BICRAL: variants seen among roughly 807,000 people sequenced by gnomAD.
BICRAL encodes the protein BICRA like chromatin remodeling complex associated protein.
A neutral mutation model predicts 91.8 loss-of-function variants in BICRAL; 8 were observed. The ratio of observed to expected loss-of-function variants is 0.09; its 90% CI spans 0.05 to 0.16. BICRAL has a LOEUF of 0.16. Among genes scored for constraint, BICRAL ranks in the 10% least tolerant of loss-of-function variants. The pLI, the probability that BICRAL is intolerant of heterozygous loss-of-function variation, is 1.00. For missense variants in BICRAL, 1,038 were observed against 1,310.9 expected (o/e 0.79, Z 3.21); for synonymous variants, 445 against 491.1 (o/e 0.91, Z 1.24).
intron 6 of BICRAL, 78 bp downstream of exon 6, chr6:42,830,250 T>C (rs986513557): frequency 6.9e-7 from 1 of 1,443,164 alleles, no homozygotes; most frequent in Non-Finnish European, 9.4e-7. Flanking sequence ...GAATATAATT[T>C]TCATCCTAGG....
Position 42,855,885 on chromosome 6 carries a change from G to A in BICRAL, c.2076G>A (p.Arg692=), listed in dbSNP as rs1765335097. ...QVESHSGGQK[R]PAAKQLTKGA... ...AGAGTCATTCGGGAGGACAAAAAAG[G>A]CCTGCTGCGAAACAGCTAACGAAAG... Residue 692 remains arginine (R), a synonymous_variant, in exon 9 of 13, where the codon AGG becomes AGA. Coordinates refer to ENST00000314073, the MANE Select transcript of BICRAL (RefSeq NM_001393499.1). The A allele has an allele frequency of 6.2e-7, 1 of 1,613,742 alleles. No individual in the cohort carries two copies. Among genetic ancestry groups the A allele is most frequent in the Non-Finnish European group, 8.5e-7 (1 of 1,179,764 alleles).
intron 1 of BICRAL, among the ~76,000 whole-genome samples, chr6:42,783,376 G>A (rs1682172584): frequency 6.6e-6 from 1 of 152,168 alleles, no homozygotes; most frequent in Admixed American, 6.5e-5. Flanking sequence ...GAGTGCGCGC[G>A]GGCGTTATGC....
chr6:42,808,256 C>T (rs573728911), intron 1 of BICRAL, among the ~76,000 whole-genome samples: 107 of 151,892 alleles, frequency 7.0e-4, no homozygotes, highest in Non-Finnish European at 1.0e-3. Flanking sequence ...CTCAGCCTCC[C>T]GAGTAGCTGG....
Position 42,852,213 on chromosome 6 carries a change from A to G in BICRAL, c.1945+16A>G. 2.7e-6 allele frequency: 4 copies of G among 1,479,276 alleles called. No individual in the cohort carries two copies. Among genetic ancestry groups the G allele is most frequent in the South Asian group, 1.1e-5 (1 of 88,366 alleles). The allele number at this position is 1,479,276 out of a possible 1,614,324, so 91.6% of individuals were successfully genotyped here. Reference sequence around the variant, plus strand: ...ACACTGCCAGGTCAGGAGCTTCCTCAGTTTGTCCCTGTCCTCCCAACACCA... The same window carrying G: ...ACACTGCCAGGTCAGGAGCTTCCTCGGTTTGTCCCTGTCCTCCCAACACCA... On this transcript the variant is annotated intron_variant, in intron 7 of 12. Coordinates refer to ENST00000314073, the MANE Select transcript of BICRAL (RefSeq NM_001393499.1).
chr6:42,839,193 G>A (rs1461151965), intron 6 of BICRAL, among the ~76,000 whole-genome samples: 1 of 152,102 alleles, frequency 6.6e-6, no homozygotes, highest in Non-Finnish European at 1.5e-5. Flanking sequence ...GGGCAACAGA[G>A]TGAGACTCTG....
chr6:42,765,427 TC>T (rs754249606), intron 1 of BICRAL, among the ~76,000 whole-genome samples: 1 of 152,112 alleles, frequency 6.6e-6, no homozygotes, highest in Non-Finnish European at 1.5e-5. Flanking sequence ...TTCAAGTACA[TC>T]CTAGGAGGCT....
intron 2 of BICRAL, chr6:42,821,215 T>G (rs1016702624): frequency 1.1e-4 from 17 of 152,270 alleles, no homozygotes; most frequent in African/African-American, 3.9e-4. Flanking sequence ...ATCACTAGTG[T>G]AAGTTTCCCA....
chr6:42,828,975 G>C lies in BICRAL; in HGVS notation c.642G>C (p.Gln214His). The change falls in exon 6 of 13, where the codon CAG becomes CAC. Residue 214 changes from glutamine to histidine, a missense_variant. Physicochemically the swap from Gln to His is conservative, Grantham distance 24. Transcript: ENST00000314073. ...SSQISGSGQIQLIGSFGNHPS... is the reference protein window; with the variant it reads ...SSQISGSGQIHLIGSFGNHPS... ...AGATTAGTGGTTCTGGTCAAATACA[G>C]TTAATTGGGTCATTTGGTAATCATC... The C allele has an allele frequency of 6.2e-7, 1 of 1,614,116 alleles. No homozygotes were observed.
At chr6:42,808,246 C>T (rs1763765535) in intron 1 of BICRAL, among the ~76,000 whole-genome samples, 1 of 151,950 alleles carries the variant, frequency 6.6e-6, no homozygotes, top group South Asian at 2.1e-4. Context: ...ATTCTCCTGC[C>T]TCAGCCTCCC....
chr6:42,844,098 G>A (rs537410633), intron 6 of BICRAL, among the ~76,000 whole-genome samples: 2 of 150,308 alleles, frequency 1.3e-5, no homozygotes, highest in Admixed American at 6.7e-5. Flanking sequence ...CACCGCGCCT[G>A]GCCAGCATAT....
intron 6 of BICRAL, among the ~76,000 whole-genome samples, chr6:42,834,962 T>C (rs1299069122): frequency 6.6e-6 from 1 of 152,192 alleles, no homozygotes; most frequent in African/African-American, 2.4e-5. Context: ...AAAATATGTA[T>C]ATTTATACAC....
chr6:42,825,072 A>G (rs1200205981), intron 5 of BICRAL, among the ~76,000 whole-genome samples: 1 of 152,088 alleles, frequency 6.6e-6, no homozygotes, highest in Non-Finnish European at 1.5e-5. Flanking sequence ...CAGCCTGGCC[A>G]ACATAGTGAA....
intron 10 of BICRAL, among the ~76,000 whole-genome samples, chr6:42,859,403 A>T (rs973407644): frequency 1.3e-5 from 2 of 151,394 alleles, no homozygotes; most frequent in African/African-American, 4.9e-5. Flanking sequence ...AAAAAAAAAA[A>T]CCCACAGTGG....
intron 5 of BICRAL, among the ~76,000 whole-genome samples, chr6:42,826,639 G>A (rs1248536490): frequency 6.6e-6 from 1 of 152,066 alleles, no homozygotes; most frequent in East Asian, 1.9e-4. Context: ...TGAGCCTTAG[G>A]TTCCCTTACT....
At chr6:42,811,801 T>C (rs1209491221) in intron 2 of BICRAL, among the ~76,000 whole-genome samples, 1 of 152,148 alleles carries the variant, frequency 6.6e-6, no homozygotes, top group Non-Finnish European at 1.5e-5. Flanking sequence ...GGAGCTCACA[T>C]AGGGCAGAGA....
At chr6:42,831,860 T>C (rs1446576502) in intron 6 of BICRAL, among the ~76,000 whole-genome samples, 1 of 151,480 alleles carries the variant, frequency 6.6e-6, no homozygotes, top group Non-Finnish European at 1.5e-5. Flanking sequence ...CACCTCAGCC[T>C]CCCAAGTAGC....
chr6:42,798,215 G>A (rs1172844013), intron 1 of BICRAL, among the ~76,000 whole-genome samples: 1 of 151,896 alleles, frequency 6.6e-6, no homozygotes, highest in African/African-American at 2.4e-5. Flanking sequence ...GGAAGTGAGG[G>A]TTGAAAATTA....
chr6:42,815,134 G>A (rs1021946096), intron 2 of BICRAL, among the ~76,000 whole-genome samples: 2 of 148,022 alleles, frequency 1.4e-5, no homozygotes, highest in African/African-American at 5.0e-5. Flanking sequence ...GCTGTTTTAT[G>A]ACTCCTAAGG....
chr6:42,806,938 C>A (rs1381605431), intron 1 of BICRAL, among the ~76,000 whole-genome samples: 1 of 152,156 alleles, frequency 6.6e-6, no homozygotes, highest in African/African-American at 2.4e-5. Context: ...TCAAGCAATT[C>A]TCCTGCCTCA....
Sources: allele counts gnomAD v4.1 joint callset (sites outside exome capture counted in the v4.1 genomes callset), GRCh38; gene constraint gnomAD v4.1.1; transcripts MANE v1.5; gene names NCBI Gene and HGNC (gene_info 2026-07-23, HGNC 2026-07-21).